The following RBFOX1 variants were observed in gnomAD, a reference collection of about 807,000 sequenced individuals.
The protein encoded by RBFOX1 is RNA binding protein fox-1 homolog 1.
A neutral mutation model predicts 57.7 loss-of-function variants in RBFOX1; 8 were observed. The observed-to-expected ratio is 0.14, with a 90% CI of 0.08 to 0.25. RBFOX1 has a LOEUF of 0.25. Among genes scored for constraint, RBFOX1 ranks in the 10% least tolerant of loss-of-function variants. The pLI is 1.00. For missense variants in RBFOX1, 611 were observed against 548.5 expected, an observed-to-expected ratio of 1.11 and a Z score of -1.14; for synonymous variants, 326 against 222.4, an observed-to-expected ratio of 1.47 and a Z score of -4.15.
At chr16:6,498,159 C>G (rs1013257309) in intron 2 of RBFOX1, among the ~76,000 whole-genome samples, 2 of 149,874 alleles carry the variant, frequency 1.3e-5, no homozygotes, top group African/African-American at 2.5e-5. Flanking sequence ...GGCTGAGGCA[C>G]GAGAATCACT....
chr16:6,266,766 A>G (rs2074558684), intron 1 of RBFOX1, among the ~76,000 whole-genome samples: 1 of 151,918 alleles, frequency 6.6e-6, no homozygotes, highest in Non-Finnish European at 1.5e-5. Context: ...ACAGAATCCT[A>G]GAAGAACCTT....
intron 14 of RBFOX1, among the ~76,000 whole-genome samples, chr16:7,701,989 G>C (rs1326467635): frequency 6.6e-6 from 1 of 152,166 alleles, no homozygotes; most frequent in Non-Finnish European, 1.5e-5. Flanking sequence ...GGGCAGAGGT[G>C]GGGTGGTTGG....
intron 1 of RBFOX1, among the ~76,000 whole-genome samples, chr16:5,301,523 G>T (rs1454115419): frequency 5.3e-5 from 8 of 151,306 alleles, no homozygotes; most frequent in African/African-American, 1.9e-4. Context: ...GGAAGCTGAG[G>T]CAGGAGAATG....
intron 2 of RBFOX1, among the ~76,000 whole-genome samples, chr16:6,546,131 C>T (rs1179280100): frequency 6.6e-6 from 1 of 152,188 alleles, no homozygotes; most frequent in Non-Finnish European, 1.5e-5. Context: ...CATTCAAAGG[C>T]ATCTTGGGCC....
At chr16:5,356,004 T>C (rs1265121336) in intron 1 of RBFOX1, among the ~76,000 whole-genome samples, 2 of 152,146 alleles carry the variant, frequency 1.3e-5, no homozygotes, top group South Asian at 2.1e-4. Flanking sequence ...GACATGAGAA[T>C]TGCTTTAACC....
chr16:6,140,213 C>T (rs1011135195), intron 1 of RBFOX1, among the ~76,000 whole-genome samples: 11 of 143,380 alleles, frequency 7.7e-5, no homozygotes, highest in Middle Eastern at 3.4e-3. Flanking sequence ...TCTTTTGAGA[C>T]GGAGTTTCAT....
intron 4 of RBFOX1, among the ~76,000 whole-genome samples, chr16:7,445,011 G>T (rs543402098): frequency 4.7e-5 from 7 of 148,064 alleles, no homozygotes; most frequent in African/African-American, 1.7e-4. Flanking sequence ...TGAAGTGTTT[G>T]TTTTTTTTTT....
intron 3 of RBFOX1, among the ~76,000 whole-genome samples, chr16:6,873,247 A>G (rs2153275726): frequency 6.6e-6 from 1 of 152,204 alleles, no homozygotes; most frequent in Middle Eastern, 3.4e-3. Flanking sequence ...TATGAAATGG[A>G]TTTTTAATTT....
Position 5,943,979 on chromosome 16 carries a change from C to T in RBFOX1, c.351+76644C>T, listed in dbSNP as rs551650276. 1.0e-3 allele frequency among the ~76,000 whole-genome samples: 155 copies of T among 151,238 alleles called. 1 individual carries two copies. The highest frequency in any genetic ancestry group is 1.8e-3 in the Non-Finnish European group (124 of 67,840). On this transcript the variant is annotated intron_variant, in intron 4 of 19. Transcript: ENST00000641259. ...TCCATCCATCCACCCCCCCACCCAT[C>T]CATCTTTCCATCCACCCATCCATCC...
At chr16:6,530,700 G>C (rs1343778896) in intron 2 of RBFOX1, among the ~76,000 whole-genome samples, 1 of 152,034 alleles carries the variant, frequency 6.6e-6, no homozygotes, top group East Asian at 1.9e-4. Context: ...ATAGATGGTG[G>C]CAGGTGAAGA....
At chr16:6,636,189 G>T (rs1467162237) in intron 2 of RBFOX1, among the ~76,000 whole-genome samples, 1 of 152,006 alleles carries the variant, frequency 6.6e-6, no homozygotes, top group Non-Finnish European at 1.5e-5. Flanking sequence ...TTTCTTTTTT[G>T]AGATGGAGTC....
intron 5 of RBFOX1, among the ~76,000 whole-genome samples, chr16:7,532,453 T>C (rs3785264): frequency 0.05 from 7,677 of 152,210 alleles, 347 homozygotes; most frequent in East Asian, 0.22. Flanking sequence ...TTTTGAGACA[T>C]TGAAGCTCTT....
At chr16:6,155,256 G>C (rs1262360984) in intron 1 of RBFOX1, among the ~76,000 whole-genome samples, 1 of 152,194 alleles carries the variant, frequency 6.6e-6, no homozygotes, top group Non-Finnish European at 1.5e-5. Flanking sequence ...AGCCCTAGGA[G>C]ACTGAGACAT....
chr16:5,313,108 C>A, intron 1 of RBFOX1, among the ~76,000 whole-genome samples: 1 of 152,116 alleles, frequency 6.6e-6, no homozygotes, highest in East Asian at 1.9e-4. Flanking sequence ...TCACAGCCAC[C>A]CTGCAAGGTG....
intron 2 of RBFOX1, among the ~76,000 whole-genome samples, chr16:6,418,244 A>G (rs1350735926): frequency 6.6e-6 from 1 of 152,188 alleles, no homozygotes; most frequent in Non-Finnish European, 1.5e-5. Flanking sequence ...CATTTTAGCC[A>G]GTGAGTGGCC....
At chr16:6,880,490 A>G (rs1290656877) in intron 3 of RBFOX1, among the ~76,000 whole-genome samples, 1 of 152,150 alleles carries the variant, frequency 6.6e-6, no homozygotes, top group Non-Finnish European at 1.5e-5. Context: ...AAATGATGCA[A>G]AAGCTGGGCC....
At position 6,051,150 on chromosome 16, in the gene RBFOX1, T is replaced by A. The variant is rs376411791; in HGVS notation, c.-127+31158T>A. ...GACAAAACTGCAATTACTTTTGCAG[T>A]AATCTAATAGTTCCTAAGGGTATTT... On this transcript the variant is annotated intron_variant, in intron 1 of 15. Transcript: ENST00000550418. 5.9e-5 allele frequency among the ~76,000 whole-genome samples: 9 copies of A among 151,718 alleles called. No individual in the cohort carries two copies. In the South Asian group the frequency reaches 1.7e-3, roughly 28 times the overall value.
intron 4 of RBFOX1, among the ~76,000 whole-genome samples, chr16:7,147,428 G>C (rs965758157): frequency 1.3e-5 from 2 of 151,934 alleles, no homozygotes; most frequent in Non-Finnish European, 2.9e-5. Context: ...CCAGGTGGTG[G>C]GCGTAGTACT....
intron 2 of RBFOX1, among the ~76,000 whole-genome samples, chr16:5,486,751 C>T (rs2042642152): frequency 1.3e-5 from 2 of 152,058 alleles, no homozygotes; most frequent in East Asian, 1.9e-4. Context: ...TTGACCTTCC[C>T]ATTTCTGAGC....
Sources: allele counts gnomAD v4.1 joint callset (sites outside exome capture counted in the v4.1 genomes callset), GRCh38; gene constraint gnomAD v4.1.1; transcripts MANE v1.5; gene names NCBI Gene and HGNC (gene_info 2026-07-23, HGNC 2026-07-21).